The following ITCH variants were observed in gnomAD, a reference collection of about 807,000 sequenced individuals.
The protein encoded by ITCH is E3 ubiquitin-protein ligase Itchy homolog.
ITCH carries 28 observed loss-of-function variants against 126.8 expected under a neutral mutation model. The observed-to-expected ratio is 0.22, with a 90% CI of 0.16 to 0.30. The LOEUF (loss-of-function observed/expected upper bound fraction) is 0.30, where lower values mean the gene tolerates loss of function less well. ITCH is among the 10% of genes least tolerant of loss of function. The pLI, the probability that ITCH is intolerant of heterozygous loss-of-function variation, is 1.00. For missense variants in ITCH, 631 were observed against 1,032.4 expected (o/e 0.61, Z 5.33); for synonymous variants, 342 against 340.0 (o/e 1.01, Z -0.06).
chr20:34,413,986 T>A (rs527726254), intron 6 of ITCH, 107 bp downstream of exon 6: 9 of 992,682 alleles, frequency 9.1e-6, no homozygotes, highest in Admixed American at 2.3e-5. Flanking sequence ...ATTAATAAAA[T>A]GTTTTTTTCT....
At chr20:34,438,729 C>A in intron 8 of ITCH, 98 bp downstream of exon 8, 5 of 1,411,320 alleles carry the variant, frequency 3.5e-6, no homozygotes, top group Non-Finnish European at 5.0e-6. Context: ...GAATTTTCTG[C>A]GTGTATTTTT....
Position 34,493,194 on chromosome 20 carries a change from G to A in ITCH, c.2416+597G>A, listed in dbSNP as rs571612668. Among the ~76,000 whole-genome samples the A allele has an allele frequency of 2.0e-5, 3 of 152,268 alleles. No individual in the cohort carries two copies. The South Asian group carries it at 6.2e-4, about 32-fold the overall frequency. ...CAACATTATCCCAAGTATCATAGGA[G>A]GATACACAGAGAAGTTAAGATCCCA... On this transcript the variant is annotated intron_variant, in intron 23 of 24. Transcript: ENST00000374864.
chr20:34,366,015 A>G (rs1444386493), intron 1 of ITCH, among the ~76,000 whole-genome samples: 1 of 152,178 alleles, frequency 6.6e-6, no homozygotes, highest in Non-Finnish European at 1.5e-5. Flanking sequence ...AGGATTGGTT[A>G]GAAGAGGCAA....
Position 34,470,083 on chromosome 20 carries a change from T to G in ITCH, c.1460T>G (p.Phe487Cys), listed in dbSNP as rs1987471438. The change falls in exon 15 of 25, where the codon TTC becomes TGC. Residue 487 changes from phenylalanine (F) to cysteine (C), a missense_variant. Physicochemically the swap from Phe to Cys is radical, Grantham distance 205. Coordinates refer to ENST00000374864, the MANE Select transcript of ITCH (RefSeq NM_031483.7). Reference sequence around the variant, plus strand: ...CCTCAGATAGCCTATGTTCGGGACTTCAAAGCAAAGGTTCAGTATTTCCGG... The same window carrying G: ...CCTCAGATAGCCTATGTTCGGGACTGCAAAGCAAAGGTTCAGTATTTCCGG... ...NGPQIAYVRD[F>C]KAKVQYFRFW... The G allele has an allele frequency of 6.2e-7, 1 of 1,614,052 alleles. No individual in the cohort carries two copies. Among genetic ancestry groups the G allele is most frequent in the Non-Finnish European group, 8.5e-7 (1 of 1,179,946 alleles).
At chr20:34,406,473 A>G (rs2146135121) in intron 3 of ITCH, among the ~76,000 whole-genome samples, 1 of 152,108 alleles carries the variant, frequency 6.6e-6, no homozygotes, top group Middle Eastern at 3.4e-3. Context: ...TTTCAGGGCC[A>G]CCACCTGGGA....
chr20:34,507,635 CACT>C (rs1312945791), intron 24 of ITCH, 57 bp from the exon 25 acceptor site: 6 of 1,232,094 alleles, frequency 4.9e-6, no homozygotes, highest in Non-Finnish European at 7.2e-6. Flanking sequence ...TAGTATACTA[CACT>C]ACTCATTTGA....
intron 2 of ITCH, among the ~76,000 whole-genome samples, chr20:34,379,485 T>C (rs1351399374): frequency 1.3e-5 from 2 of 152,138 alleles, no homozygotes; most frequent in Non-Finnish European, 2.9e-5. Flanking sequence ...ACAATAATTA[T>C]CCATTTCACC....
In ITCH at chr20:34,408,677, A is replaced by G; in HGVS notation, c.97A>G (p.Lys33Glu). The G allele has an allele frequency of 6.2e-7, 1 of 1,613,864 alleles. No homozygotes were observed. Among genetic ancestry groups the G allele is most frequent in the Non-Finnish European group, 8.5e-7 (1 of 1,179,750 alleles). Residue 33 changes from lysine to glutamate, a missense_variant, in exon 4 of 25, where the codon AAG (lysine) becomes GAG (glutamate). Transcript: ENST00000374864. ...TVISAKLKEN[K>E]KNWFGPSPYV... ...CATCTCAGCAAAACTTAAGGAAAATAAGAAGAATTGGTTTGGACCAAGTCC... is the reference window on the plus strand; with the variant it reads ...CATCTCAGCAAAACTTAAGGAAAATGAGAAGAATTGGTTTGGACCAAGTCC...
At chr20:34,431,709 A>C (rs1982316959) in intron 7 of ITCH, among the ~76,000 whole-genome samples, 1 of 152,200 alleles carries the variant, frequency 6.6e-6, no homozygotes, top group Non-Finnish European at 1.5e-5. Context: ...TTACAAAAGC[A>C]CTGTCACAGA....
At chr20:34,404,709 G>T (rs765022905) in intron 3 of ITCH, among the ~76,000 whole-genome samples, 1 of 151,966 alleles carries the variant, frequency 6.6e-6, no homozygotes, top group South Asian at 2.1e-4. Flanking sequence ...CACCACGTTC[G>T]GCCGCTTCTC....
chr20:34,398,230 T>G (rs2146093994), intron 3 of ITCH, among the ~76,000 whole-genome samples: 1 of 151,674 alleles, frequency 6.6e-6, no homozygotes, highest in South Asian at 2.1e-4. Context: ...ACCCGGCTAA[T>G]TTTTGTATTT....
chr20:34,495,403 G>A (rs982575626), intron 23 of ITCH, among the ~76,000 whole-genome samples: 2 of 150,822 alleles, frequency 1.3e-5, no homozygotes, highest in African/African-American at 2.4e-5. Flanking sequence ...TCTTCCTGCC[G>A]ATCTGTACTT....
chr20:34,378,632 A>G (rs1188476023), intron 2 of ITCH, among the ~76,000 whole-genome samples: 2 of 152,264 alleles, frequency 1.3e-5, no homozygotes, highest in Non-Finnish European at 2.9e-5. Flanking sequence ...AAATGAGCTA[A>G]ATCTAAATCT....
At chr20:34,435,801 C>T (rs1982936698) in intron 7 of ITCH, among the ~76,000 whole-genome samples, 1 of 152,024 alleles carries the variant, frequency 6.6e-6, no homozygotes, top group Non-Finnish European at 1.5e-5. Flanking sequence ...GGAAAGTAGC[C>T]TATGATGAAG....
At position 34,511,597 on chromosome 20, in the gene ITCH, A is replaced by G. The variant is rs563283952; in HGVS notation, c.*3803A>G. Among the ~76,000 whole-genome samples the G allele has an allele frequency of 8.7e-4, 133 of 152,314 alleles. No homozygotes were observed. The highest frequency in any genetic ancestry group is 3.0e-3 in the African/African-American group (125 of 41,568). The stretch of plus-strand genomic sequence containing the variant: ...GACTGCTTATTCTCGCAGCCCAATA[A>G]TGAGGTGCAGATGAACTGAGAAAGG... On this transcript the variant is annotated 3_prime_UTR_variant, in exon 25 of 25. Transcript: ENST00000374864.
At chr20:34,423,506 GTTC>G (rs1405047487) in intron 6 of ITCH, among the ~76,000 whole-genome samples, 2 of 152,128 alleles carry the variant, frequency 1.3e-5, no homozygotes, top group African/African-American at 4.8e-5. Context: ...TCGAACTTGA[GTTC>G]TTGTTTCTAC....
chr20:34,417,433 C>A (rs1158388594), intron 6 of ITCH, among the ~76,000 whole-genome samples: 1 of 139,014 alleles, frequency 7.2e-6, no homozygotes, highest in African/African-American at 2.7e-5. Context: ...GAGTATCGCT[C>A]TTGTTGCCCA....
rs2037904216 is a variant in ITCH at position 34,377,834 on chromosome 20, G to A, written c.-22+8364G>A. ...GTGATTTACCTGTGATTGTATCACAGTACTCCAGCCTAGGCAACAGAGTGA... is the reference window on the plus strand; with the variant it reads ...GTGATTTACCTGTGATTGTATCACAATACTCCAGCCTAGGCAACAGAGTGA... On this transcript the variant is annotated intron_variant, in intron 2 of 24. Transcript: ENST00000374864. Among the ~76,000 whole-genome samples the A allele has an allele frequency of 2.7e-5, 4 of 150,892 alleles. No individual in the cohort carries two copies. In the South Asian group the frequency reaches 6.3e-4, roughly 24 times the overall value.
Position 34,424,343 on chromosome 20 carries a change from T to C in ITCH, c.476-137T>C, listed in dbSNP as rs572590293. On this transcript the variant is annotated intron_variant, in intron 6 of 24. Coordinates refer to ENST00000374864, the MANE Select transcript of ITCH (RefSeq NM_031483.7). ...TCACATTTTTCCTTTTAAAGTCATG[T>C]TGGAATTTAAGTTATAGTATGTTCT... 6.1e-5 allele frequency: 45 copies of C among 734,002 alleles called. No homozygotes were observed. The African/African-American group carries it at 6.6e-4, about 11-fold the overall frequency. 45.5% of individuals were successfully genotyped at this position (734,002 alleles called of 1,614,324 possible).
Sources: gnomAD v4.1 joint callset for allele counts (sites outside exome capture counted in the v4.1 genomes callset) on GRCh38, gnomAD v4.1.1 for gene constraint, MANE v1.5 for transcripts, NCBI Gene and HGNC (gene_info 2026-07-23, HGNC 2026-07-21) for gene names.